The following C4orf50 variants were observed in gnomAD, a reference collection of about 807,000 sequenced individuals.
C4orf50 encodes chromosome 4 open reading frame 50.
A neutral mutation model predicts 77.2 loss-of-function variants in C4orf50; 80 were observed. That is an observed-to-expected ratio of 1.04 (90% CI 0.87 to 1.25). The LOEUF (loss-of-function observed/expected upper bound fraction) is 1.25, where lower values mean the gene tolerates loss of function less well. Among genes scored for constraint, C4orf50 ranks in the 50% most tolerant of loss-of-function variants. The probability of loss-of-function intolerance (pLI) is 0.00; values close to 1 mark genes in which losing one functional copy is unlikely to be tolerated. For synonymous variants in C4orf50, 532 were observed against 465.3 expected (o/e 1.14, Z -1.84); for missense variants, 1,257 against 1,152.9 (o/e 1.09, Z -1.31).
chr4:6,003,742 G>GTGATGATGGTGATGA (rs1296727233), intron 25 of C4orf50, among the ~76,000 whole-genome samples: 2 of 47,782 alleles, frequency 4.2e-5, no homozygotes, highest in African/African-American at 1.8e-4. Flanking sequence ...GGTGATGATA[G>GTGATGATGGTGATGA]TGGTGATGGT....
intron 7 of C4orf50, among the ~76,000 whole-genome samples, chr4:5,941,395 T>C (rs554425940): frequency 6.6e-6 from 1 of 152,262 alleles, no homozygotes; most frequent in African/African-American, 2.4e-5. Context: ...CTGGTTCTGG[T>C]TCCTGCACCC....
At chr4:5,968,421 T>C (rs555682586) in intron 31 of C4orf50, among the ~76,000 whole-genome samples, 77 of 152,270 alleles carry the variant, frequency 5.1e-4, no homozygotes, top group African/African-American at 1.7e-3. Flanking sequence ...CGTCTTCTGG[T>C]AGTGACCGGA....
At chr4:5,935,303 C>T (rs552254495) in intron 7 of C4orf50, among the ~76,000 whole-genome samples, 6 of 152,286 alleles carry the variant, frequency 3.9e-5, no homozygotes, top group South Asian at 2.1e-4. Context: ...TGGAGGGCTA[C>T]GCCCCCAGTA....
At position 5,970,654 on chromosome 4, in the gene C4orf50, A is replaced by C. The variant is rs79571830; in HGVS notation, c.4104+3005T>G. Among the ~76,000 whole-genome samples, 3,274 of 152,296 alleles carry C rather than the reference A, an allele frequency of 0.021. 112 individuals carry two copies. The highest frequency in any genetic ancestry group is 0.075 in the African/African-American group (3,104 of 41,550). ...TTCCACCACGCACCCAAACCAGGAC[A>C]AGAAAAGAAAATGGAAATACAAAGA... On this transcript the variant is annotated intron_variant, in intron 31 of 33. Transcript: ENST00000531445. The surrounding 1 kb of genome is among the most constrained non-coding windows in gnomAD (Gnocchi z 4.3).
In C4orf50 at chr4:5,952,049, T is replaced by A. The variant is rs1020371497; in HGVS notation, c.*2474+4852A>T. ...TAAAATATGTGCTTGGAAGTGCCAT[T>A]AAAATAAAATGAATCAACTAGTTCA... is the stretch of plus-strand genomic sequence containing the variant. On this transcript the variant is annotated intron_variant, in intron 7 of 7. Transcript: ENST00000324058. This position sits in a 1 kb window ranked among gnomAD's most constrained non-coding sequence, Gnocchi z 4.4. 6.6e-6 allele frequency among the ~76,000 whole-genome samples: 1 copy of A among 152,112 alleles called. No individual in the cohort carries two copies. Among genetic ancestry groups the A allele is most frequent in the Non-Finnish European group, 1.5e-5 (1 of 67,996 alleles).
At chr4:6,013,308 G>C (rs554646886) in intron 23 of C4orf50, among the ~76,000 whole-genome samples, 5 of 152,272 alleles carry the variant, frequency 3.3e-5, no homozygotes, top group East Asian at 3.9e-4. Context: ...CAGTTAGCCA[G>C]AGTCAGGCTG....
chr4:6,014,003 G>A (rs1578003228), intron 23 of C4orf50, among the ~76,000 whole-genome samples: 1 of 120,930 alleles, frequency 8.3e-6, no homozygotes, highest in South Asian at 3.6e-4. Flanking sequence ...TTTAAGTTGT[G>A]TGTTTTTTTT....
At chr4:5,913,995 A>C (rs1364079519) in intron 7 of C4orf50, among the ~76,000 whole-genome samples, 2 of 152,206 alleles carry the variant, frequency 1.3e-5, no homozygotes, top group Non-Finnish European at 2.9e-5. Flanking sequence ...TTCAATAACA[A>C]GGGTTGAGAA....
exon 28 of C4orf50, chr4:5,989,082 C>T (rs1721087803): frequency 6.5e-7 from 1 of 1,536,088 alleles, no homozygotes; most frequent in East Asian, 2.4e-5. Flanking sequence ...CTTTCTTTAA[C>T]TGAGAGATGT....
downstream of C4orf50, among the ~76,000 whole-genome samples, chr4:5,952,808 C>A (rs894757751): frequency 1.3e-5 from 2 of 152,170 alleles, no homozygotes; most frequent in African/African-American, 4.8e-5. The surrounding 1 kb of genome is among the most constrained non-coding windows in gnomAD (Gnocchi z 4.4). Context: ...CATGGACACG[C>A]ACAGTTCCCG....
rs1018697413 is a variant in C4orf50, at chr4:5,970,838, C to A, written c.4104+2821G>T. ...CTGGGACATGCTGAGGCTCAGGGTC[C>A]CCCGTGGAGCCTAGCAGCAGGATGC... On this transcript the variant is annotated intron_variant, in intron 31 of 33. Coordinates refer to ENST00000531445, the Ensembl canonical transcript of C4orf50. The surrounding 1 kb of genome is among the most constrained non-coding windows in gnomAD (Gnocchi z 4.3). 6.6e-6 allele frequency among the ~76,000 whole-genome samples: 1 copy of A among 152,180 alleles called. No homozygotes were observed.
intron 7 of C4orf50, among the ~76,000 whole-genome samples, chr4:5,926,876 C>T (rs568951644): frequency 1.1e-4 from 17 of 152,310 alleles, no homozygotes; most frequent in Non-Finnish European, 1.9e-4. Flanking sequence ...CATATTCATT[C>T]ATTCACTGAC....
chr4:5,993,947 T>C (rs1376718467), intron 26 of C4orf50, among the ~76,000 whole-genome samples: 1 of 151,706 alleles, frequency 6.6e-6, no homozygotes. Context: ...CCAAGTGCGA[T>C]TTTCACTGCC....
chr4:5,988,224 T>C, intron 28 of C4orf50, 123 bp downstream of exon 6: 2 of 1,285,620 alleles, frequency 1.6e-6, no homozygotes, highest in Non-Finnish European at 2.2e-6. Context: ...TCCTCTCATC[T>C]GGTAAGTGGG....
exon 28 of C4orf50, chr4:5,989,986 T>C (rs1429517608): frequency 7.1e-7 from 1 of 1,407,772 alleles, no homozygotes. Context: ...TGCGAGGAGC[T>C]GACTGTCTGT....
At chr4:5,984,857 A>T (rs1402274128) in intron 28 of C4orf50, among the ~76,000 whole-genome samples, 1 of 151,932 alleles carries the variant, frequency 6.6e-6, no homozygotes, top group Non-Finnish European at 1.5e-5. Flanking sequence ...AGCTAAAAAA[A>T]AAAACCAAAC....
chr4:6,004,342 G>A (rs1465701449), intron 25 of C4orf50, among the ~76,000 whole-genome samples: 1 of 127,576 alleles, frequency 7.8e-6, no homozygotes, highest in Non-Finnish European at 1.6e-5. Flanking sequence ...GATGGTGATG[G>A]TGATGATGAC....
rs149056566 is a variant in C4orf50, at chr4:5,987,114, G to A, written c.3699+1233C>T. On this transcript the variant is annotated intron_variant, in intron 28 of 33. Transcript: ENST00000531445. ...CAAATTAAATCAAAAGAAAGTGGGA[G>A]AAAGAATATAATAAGGCCTCGTACG... 2.8e-3 allele frequency among the ~76,000 whole-genome samples: 431 copies of A among 152,152 alleles called. 3 individuals carry two copies. The highest frequency in any genetic ancestry group is 9.8e-3 in the African/African-American group (408 of 41,528).
At chr4:5,983,549 A>G (rs1387242824) in intron 28 of C4orf50, among the ~76,000 whole-genome samples, 1 of 152,018 alleles carries the variant, frequency 6.6e-6, no homozygotes, top group Non-Finnish European at 1.5e-5. Context: ...CCACACTCCT[A>G]CTCACTGGTA....
Sources: allele counts gnomAD v4.1 joint callset (sites outside exome capture counted in the v4.1 genomes callset), GRCh38; gene constraint gnomAD v4.1.1; non-coding constraint Gnocchi (gnomAD v3.1); transcripts MANE v1.5; gene names NCBI Gene and HGNC (gene_info 2026-07-23, HGNC 2026-07-21).